OTC: variants seen among roughly 807,000 people sequenced by gnomAD.
OTC encodes ornithine transcarbamylase, also known as ornithine transcarbamylase, mitochondrial.
Under a neutral mutation model 30.3 loss-of-function variants are expected in OTC, and 3 were observed. The observed-to-expected ratio is 0.10, with a 90% confidence interval of 0.05 to 0.26. The LOEUF (loss-of-function observed/expected upper bound fraction) is 0.26, where lower values mean the gene tolerates loss of function less well. OTC is among the 10% of genes least tolerant of loss of function. The probability of loss-of-function intolerance (pLI) is 1.00; values close to 1 mark genes in which losing one functional copy is unlikely to be tolerated. For missense variants in OTC, 194 were observed against 260.3 expected (o/e 0.75, Z 1.75); for synonymous variants, 111 against 99.7 (o/e 1.11, Z -0.67).
chrX:38,396,438 A>G (rs945788446), intron 4 of OTC, among the ~76,000 whole-genome samples: 1 of 112,043 alleles, frequency 8.9e-6, no homozygotes, highest in African/African-American at 3.2e-5. Context: ...TAAATCATCA[A>G]AAGTTTTCAT....
At chrX:38,347,439 T>C in the OTC span, among the ~76,000 whole-genome samples, 2 of 112,104 alleles carry the variant, frequency 1.8e-5, no homozygotes, top group Non-Finnish European at 1.9e-5. Flanking sequence ...TCTTTGTCCA[T>C]ATCCAGTGGA....
chrX:38,364,113 GAAA>G (rs1476503196), intron 1 of OTC, among the ~76,000 whole-genome samples: 1 of 111,545 alleles, frequency 9.0e-6, no homozygotes, highest in African/African-American at 3.3e-5. Flanking sequence ...GTGACAGAGT[GAAA>G]CTCCATCTGA....
the OTC span, among the ~76,000 whole-genome samples, chrX:38,344,920 G>A: frequency 1.8e-5 from 2 of 110,643 alleles, no homozygotes; most frequent in South Asian, 3.8e-4. Context: ...AAGAAGAATA[G>A]GGGTCAGGCA....
At chrX:38,411,827 A>C in intron 8 of OTC, 35 bp from the exon 9 acceptor site, 1 of 1,198,048 alleles carries the variant, frequency 8.3e-7, no homozygotes. Context: ...GCCACATATA[A>C]TAGTCAAAAA....
intron 9 of OTC, among the ~76,000 whole-genome samples, chrX:38,415,101 CAG>C (rs1335610556): frequency 9.1e-6 from 1 of 110,161 alleles, no homozygotes; most frequent in Non-Finnish European, 1.9e-5. Flanking sequence ...TTTTTTGAGA[CAG>C]AGTCTCGCTC....
At chrX:38,351,565 G>A (rs1395718801), upstream of OTC, among the ~76,000 whole-genome samples, 3 of 111,248 alleles carry the variant, frequency 2.7e-5, no homozygotes, top group Non-Finnish European at 3.8e-5. Flanking sequence ...AGTGCAGCTC[G>A]GTATCTGATA....
the OTC span, among the ~76,000 whole-genome samples, chrX:38,328,658 T>C: frequency 2.7e-3 from 299 of 111,967 alleles, no homozygotes; most frequent in African/African-American, 9.2e-3. Flanking sequence ...TGAGATTTTA[T>C]CCTAAAGACA....
chrX:38,408,709 A>C, intron 6 of OTC, 33 bp from the exon 7 acceptor site: 1 of 1,026,249 alleles, frequency 9.7e-7, no homozygotes, highest in African/African-American at 1.9e-5. Flanking sequence ...TAATAAAATT[A>C]CCTAAATAAG....
At chrX:38,409,215 C>G (rs2068531294) in intron 8 of OTC, among the ~76,000 whole-genome samples, 190 bp downstream of exon 8, 1 of 111,791 alleles carries the variant, frequency 8.9e-6, no homozygotes, top group Non-Finnish European at 1.9e-5. Flanking sequence ...CATTTTTGTG[C>G]TGGATGAAGG....
the OTC span, among the ~76,000 whole-genome samples, chrX:38,340,470 T>TG: frequency 3.2e-5 from 3 of 92,431 alleles, no homozygotes; most frequent in South Asian, 1.7e-3. Flanking sequence ...TTTTTTTTTT[T>TG]TTGTTTTTTT....
At chrX:38,388,961 C>T (rs970487648) in intron 4 of OTC, among the ~76,000 whole-genome samples, 7 of 111,815 alleles carry the variant, frequency 6.3e-5, no homozygotes, top group African/African-American at 2.3e-4. Context: ...GTTCTGGAGG[C>T]TAGAAGTCCA....
chrX:38,420,888 C>T, intron 9 of OTC, 135 bp from the exon 10 acceptor site: 1 of 490,869 alleles, frequency 2.0e-6, no homozygotes, highest in Non-Finnish European at 3.6e-6. Flanking sequence ...CAGAACTGTT[C>T]TCTTACCATT....
chrX:38,339,978 T>C, the OTC span, among the ~76,000 whole-genome samples: 1 of 112,211 alleles, frequency 8.9e-6, no homozygotes, highest in South Asian at 3.6e-4. Context: ...AAGCAAATAA[T>C]TGAACGCAAA....
chrX:38,404,771 A>G (rs1304016611), intron 6 of OTC, among the ~76,000 whole-genome samples: 6 of 110,963 alleles, frequency 5.4e-5, no homozygotes, highest in Non-Finnish European at 1.1e-4. Flanking sequence ...GATGCCATTT[A>G]CAGTGACCAA....
In OTC at chrX:38,352,646, G is replaced by T. The variant is rs2147315417; in HGVS notation, c.-51G>T. ...TTAGGTGGCCCCCGCTGGCTAACTT[G>T]CTGTGGAGTTTTCAAGGGCATAGAA... is the stretch of plus-strand genomic sequence containing the variant. On this transcript the variant is annotated 5_prime_UTR_variant, in exon 1 of 10. Coordinates refer to ENST00000039007, the MANE Select transcript of OTC (RefSeq NM_000531.6). 1 of 991,128 alleles carries T rather than the reference G, an allele frequency of 1.0e-6. No individual in the cohort carries two copies. The highest frequency in any genetic ancestry group is 1.9e-5 in the African/African-American group (1 of 53,604). 81.7% of individuals were successfully genotyped at this position (991,128 alleles called of 1,213,427 possible). A position where few individuals can be genotyped will look rare whatever the true frequency, so the allele number is the denominator to read the frequency against.
the OTC span, among the ~76,000 whole-genome samples, chrX:38,334,589 A>G: frequency 8.9e-6 from 1 of 112,597 alleles, no homozygotes; most frequent in Non-Finnish European, 1.9e-5. Context: ...ACTCAGCAGA[A>G]GCAATACATG....
At chrX:38,385,552 A>G (rs898436456) in intron 4 of OTC, among the ~76,000 whole-genome samples, 1 of 111,778 alleles carries the variant, frequency 8.9e-6, no homozygotes, top group Non-Finnish European at 1.9e-5. Context: ...GAAGAGTGTC[A>G]CAGAAAGAAC....
intron 9 of OTC, among the ~76,000 whole-genome samples, chrX:38,418,961 A>G (rs1274549663): frequency 8.9e-6 from 1 of 112,062 alleles, no homozygotes; most frequent in East Asian, 2.8e-4. Context: ...TAGTAGTGTT[A>G]CAGCTTCAGA....
chrX:38,394,349 A>C (rs2068443976), intron 4 of OTC, among the ~76,000 whole-genome samples: 1 of 112,285 alleles, frequency 8.9e-6, no homozygotes, highest in African/African-American at 3.2e-5. Flanking sequence ...TTTACTAAGC[A>C]ATCTTGTTGG....
Sources: gnomAD v4.1 joint callset for allele counts (sites outside exome capture counted in the v4.1 genomes callset) on GRCh38, gnomAD v4.1.1 for gene constraint, MANE v1.5 for transcripts, NCBI Gene and HGNC (gene_info 2026-07-23, HGNC 2026-07-21) for gene names.